Variants in MAP2K2 observed in about 807,000 individuals in gnomAD.
MAP2K2 encodes the protein dual specificity mitogen-activated protein kinase kinase 2.
In MAP2K2, 24 loss-of-function variants were observed where a neutral mutation model predicts 43.7. The ratio of observed to expected loss-of-function variants is 0.55; its 90% confidence interval spans 0.40 to 0.77. The LOEUF is 0.77. Among genes scored for constraint, MAP2K2 ranks in the 30% least tolerant of loss-of-function variants. The probability of loss-of-function intolerance (pLI) is 0.00; values close to 1 mark genes in which losing one functional copy is unlikely to be tolerated. For synonymous variants in MAP2K2, 244 were observed against 239.7 expected, an observed-to-expected ratio of 1.02 and a Z score of -0.17; for missense variants, 470 against 566.8, an observed-to-expected ratio of 0.83 and a Z score of 1.73.
rs151175043 is a variant in MAP2K2, at chr19:4,094,637, G to GC, written c.1047-140_1047-139insG. 4,262 of 805,836 alleles carry GC rather than the reference G, an allele frequency of 5.3e-3. 119 individuals carry two copies. The African/African-American group carries it at 0.064, about 12-fold the overall frequency. 49.9% of individuals were successfully genotyped at this position (805,836 alleles called of 1,614,324 possible). A position where few individuals can be genotyped will look rare whatever the true frequency, so the allele number is the denominator to read the frequency against. On this transcript the variant is annotated intron_variant, in intron 9 of 10. Transcript: ENST00000262948. ...CTCCGACCAGAGAGAGTGGCACAGA[G>GC]TGGCTGCTCTGTTCTGCCTCCTGGC...
chr19:4,114,207 C>T (rs1391677924), intron 2 of MAP2K2, among the ~76,000 whole-genome samples: 1 of 152,172 alleles, frequency 6.6e-6, no homozygotes, highest in Non-Finnish European at 1.5e-5. Context: ...AGGCTCAGCC[C>T]CGGCAGCTGC....
chr19:4,108,157 C>T (rs2041110073), intron 3 of MAP2K2, among the ~76,000 whole-genome samples: 1 of 152,170 alleles, frequency 6.6e-6, no homozygotes, highest in Non-Finnish European at 1.5e-5. Flanking sequence ...AGGGATGGCC[C>T]CCTTGGATGA....
Position 4,110,604 on chromosome 19 carries a change from G to C in MAP2K2, c.355C>G (p.Leu119Val), listed in dbSNP as rs2145070093. Residue 119 changes from leucine to valine, a missense_variant, in exon 3 of 11, where the codon CTG becomes GTG. Transcript: ENST00000262948. ...PAIRNQIIRE[L>V]QVLHECNSPY... is the part of the protein sequence containing the mutation. ...GAGTTGCATTCGTGCAGGACCTGCA[G>C]CTCGCGGATGATCTGGTTCCGGATG... is the stretch of plus-strand genomic sequence containing the variant. 6.2e-7 allele frequency: 1 copy of C among 1,613,978 alleles called. No homozygotes were observed. The highest frequency in any genetic ancestry group is 8.5e-7 in the Non-Finnish European group (1 of 1,180,038).
Position 4,094,326 on chromosome 19 carries a change from C to T in MAP2K2, c.1092+127G>A, listed in dbSNP as rs116693958. ...GGTCCTCGGCGTGGCCTGGCACACC[C>T]GGCCTGCCCACATCCTGGTCGCAGG... On this transcript the variant is annotated intron_variant, in intron 10 of 10. Coordinates refer to ENST00000262948, the MANE Select transcript of MAP2K2 (RefSeq NM_030662.4). The T allele has an allele frequency of 1.7e-3, 1,771 of 1,022,330 alleles. 28 individuals are homozygous for T. The African/African-American group carries it at 0.025, about 14-fold the overall frequency. The allele number at this position is 1,022,330 out of a possible 1,614,324, so 63.3% of individuals were successfully genotyped here.
intron 1 of MAP2K2, among the ~76,000 whole-genome samples, chr19:4,120,708 C>T (rs1304525501): frequency 6.6e-6 from 1 of 152,194 alleles, no homozygotes; most frequent in African/African-American, 2.4e-5. Context: ...ACTAATCCAT[C>T]TTAAATTTAC....
Position 4,101,030 on chromosome 19 carries a change from A to C in MAP2K2, c.694T>G (p.Ser232Ala). The change falls in exon 6 of 11, where the codon TCC becomes GCC. Residue 232 changes from serine (S) to alanine (A), a missense_variant. Coordinates refer to ENST00000262948, the MANE Select transcript of MAP2K2 (RefSeq NM_030662.4). This position sits in a 1 kb window ranked among gnomAD's most constrained non-coding sequence, Gnocchi z 6.3. ...CAGCGGGGACTCACAGCCATGTAGG[A>C]GCGCGTGCCCACGAAGGAGTTGGCC... ...SMANSFVGTR[S>A]YMAPERLQGT... The C allele has an allele frequency of 6.4e-7, 1 of 1,561,138 alleles. No homozygotes were observed. The highest frequency in any genetic ancestry group is 8.7e-7 in the Non-Finnish European group (1 of 1,153,286).
At chr19:4,093,442 G>A (rs984851541) in intron 10 of MAP2K2, among the ~76,000 whole-genome samples, 12 of 151,984 alleles carry the variant, frequency 7.9e-5, no homozygotes, top group African/African-American at 2.9e-4. Flanking sequence ...TGTAATCTCT[G>A]CACTTTGGGA....
intron 10 of MAP2K2, among the ~76,000 whole-genome samples, chr19:4,091,447 G>A (rs1289084815): frequency 2.0e-5 from 3 of 151,894 alleles, no homozygotes; most frequent in Non-Finnish European, 2.9e-5. Context: ...CCGCCTCCCG[G>A]GTTCAAGCGA....
intron 6 of MAP2K2, 163 bp downstream of exon 6, chr19:4,100,856 T>G: frequency 2.5e-6 from 2 of 786,074 alleles, no homozygotes; most frequent in Non-Finnish European, 4.0e-6. Context: ...GAAAGCCTCG[T>G]GGGAGGCGGG....
intron 1 of MAP2K2, among the ~76,000 whole-genome samples, chr19:4,118,665 T>C (rs1011300109): frequency 1.3e-5 from 2 of 152,034 alleles, no homozygotes; most frequent in African/African-American, 4.8e-5. Flanking sequence ...CCGAGCACAG[T>C]GGCTCATGCC....
At chr19:4,097,414 AG>A in intron 7 of MAP2K2, 71 bp from the exon 8 acceptor site, 1 of 1,230,766 alleles carries the variant, frequency 8.1e-7, no homozygotes, top group Non-Finnish European at 1.2e-6. Flanking sequence ...TTGGGCTCCC[AG>A]GGGGCTGATC....
chr19:4,090,573 C>T lies in MAP2K2; in HGVS notation c.*25G>A, dbSNP rs770252645. The stretch of plus-strand genomic sequence containing the variant: ...ACAGGGACGGTGGGCAGGTCACCAG[C>T]GGGACGCAGGGAGCCCGGCCACTGT... On this transcript the variant is annotated 3_prime_UTR_variant, in exon 11 of 11. Coordinates refer to ENST00000262948, the MANE Select transcript of MAP2K2 (RefSeq NM_030662.4). 24 of 1,528,812 alleles carry T rather than the reference C, an allele frequency of 1.6e-5. No homozygotes were observed. The highest frequency in any genetic ancestry group is 4.1e-5 in the African/African-American group (3 of 72,622). 94.7% of individuals were successfully genotyped at this position (1,528,812 alleles called of 1,614,324 possible).
rs1321006949 is a variant in MAP2K2, at chr19:4,115,065, C to G, written c.303+2354G>C. 6.6e-6 allele frequency among the ~76,000 whole-genome samples: 1 copy of G among 152,196 alleles called. No homozygotes were observed. Among genetic ancestry groups the G allele is most frequent in the African/African-American group, 2.4e-5 (1 of 41,454 alleles). ...CCTCTCCCACCCGAGTTTTCGGGCA[C>G]TTTAAAGAAAACCTAATTTTGAAAG... On this transcript the variant is annotated intron_variant, in intron 2 of 10. Transcript: ENST00000262948. The surrounding 1 kb of genome is among the most constrained non-coding windows in gnomAD (Gnocchi z 4.1).
At chr19:4,107,014 G>A (rs533444739) in intron 3 of MAP2K2, among the ~76,000 whole-genome samples, 4 of 152,228 alleles carry the variant, frequency 2.6e-5, no homozygotes, top group South Asian at 2.1e-4. Flanking sequence ...TTCTTGCCCC[G>A]AGTTATCCAG....
intron 1 of MAP2K2, among the ~76,000 whole-genome samples, 200 bp from the exon 2 acceptor site, chr19:4,117,829 G>A (rs1209300764): frequency 6.6e-6 from 1 of 152,184 alleles, no homozygotes; most frequent in East Asian, 1.9e-4. Flanking sequence ...GCGGCTCCCC[G>A]GGAACTGAGG....
At chr19:4,117,288 C>T (rs2041233077) in intron 2 of MAP2K2, 131 bp downstream of exon 2, 1 of 891,168 alleles carries the variant, frequency 1.1e-6, no homozygotes, top group Non-Finnish European at 1.7e-6. Flanking sequence ...CCTAGAGTCC[C>T]TGGTGGGGAT....
chr19:4,108,302 A>G (rs1015245721), intron 3 of MAP2K2, among the ~76,000 whole-genome samples: 8 of 152,030 alleles, frequency 5.3e-5, no homozygotes, highest in African/African-American at 1.9e-4. Context: ...GTGCAGTGGC[A>G]CGATCTCAGC....
chr19:4,105,371 C>G (rs1020545317), intron 3 of MAP2K2, among the ~76,000 whole-genome samples: 1 of 151,868 alleles, frequency 6.6e-6, no homozygotes, highest in African/African-American at 2.4e-5. Context: ...CGGGTTCACG[C>G]CATTCTCCTG....
At chr19:4,093,375 G>A (rs552684172) in intron 10 of MAP2K2, among the ~76,000 whole-genome samples, 29 of 152,116 alleles carry the variant, frequency 1.9e-4, no homozygotes, top group African/African-American at 6.7e-4. Context: ...CCAGCCTGGG[G>A]GACAGAGCAA....
Sources: gnomAD v4.1 joint callset for allele counts (sites outside exome capture counted in the v4.1 genomes callset) on GRCh38, gnomAD v4.1.1 for gene constraint, Gnocchi (gnomAD v3.1) non-coding constraint, MANE v1.5 for transcripts, NCBI Gene and HGNC (gene_info 2026-07-23, HGNC 2026-07-21) for gene names.